The following BANK1 variants were observed in gnomAD, a reference collection of about 807,000 sequenced individuals.
BANK1 encodes the protein B-cell scaffold protein with ankyrin repeats.
Under a neutral mutation model 94.5 loss-of-function variants are expected in BANK1, and 95 were observed. That is an observed-to-expected ratio of 1.00 (90% CI 0.85 to 1.19). BANK1 has a LOEUF of 1.19. BANK1 is among the 50% of genes most tolerant of loss of function. BANK1 has a pLI of 0.00. For missense variants in BANK1, 987 were observed against 932.2 expected (o/e 1.06, Z -0.77); for synonymous variants, 334 against 308.4 (o/e 1.08, Z -0.87).
At chr4:101,961,793 C>A (rs1188521680) in intron 7 of BANK1, among the ~76,000 whole-genome samples, 2 of 152,112 alleles carry the variant, frequency 1.3e-5, no homozygotes, top group Non-Finnish European at 2.9e-5. Flanking sequence ...AAAATATTGT[C>A]ATCCTTTGCC....
intron 1 of BANK1, among the ~76,000 whole-genome samples, chr4:101,800,371 A>G (rs1272723302): frequency 1.4e-5 from 2 of 147,662 alleles, no homozygotes; most frequent in Admixed American, 1.3e-4. Context: ...TCTTCTTCCC[A>G]TTCCTCTCCT....
intron 11 of BANK1, among the ~76,000 whole-genome samples, chr4:102,051,703 CATAAA>C (rs1303172328): frequency 6.6e-6 from 1 of 152,152 alleles, no homozygotes; most frequent in African/African-American, 2.4e-5. Flanking sequence ...CTCTCTGCTA[CATAAA>C]TGTTAATTTT....
chr4:101,807,647 C>G (rs972623406), intron 1 of BANK1, among the ~76,000 whole-genome samples: 2 of 152,162 alleles, frequency 1.3e-5, no homozygotes, highest in South Asian at 2.1e-4. Context: ...ATGATAAATG[C>G]TCTACATGCT....
chr4:101,979,045 A>G (rs1358142752), intron 7 of BANK1, among the ~76,000 whole-genome samples: 1 of 152,044 alleles, frequency 6.6e-6, no homozygotes, highest in Non-Finnish European at 1.5e-5. Flanking sequence ...GTCAAAGAGT[A>G]TAGGACATGC....
chr4:102,068,331 A>C (rs183075112), intron 13 of BANK1, among the ~76,000 whole-genome samples: 27 of 152,278 alleles, frequency 1.8e-4, no homozygotes, highest in Admixed American at 1.6e-3. Flanking sequence ...AGAAATAATT[A>C]AGATCAGAAA....
intron 7 of BANK1, among the ~76,000 whole-genome samples, chr4:102,018,619 G>T (rs1005132788): frequency 1.3e-5 from 2 of 152,078 alleles, no homozygotes; most frequent in African/African-American, 4.8e-5. Flanking sequence ...AACATTCTGT[G>T]CTACAAGGAC....
At chr4:101,843,898 G>A (rs1197356086) in intron 2 of BANK1, among the ~76,000 whole-genome samples, 1 of 152,058 alleles carries the variant, frequency 6.6e-6, no homozygotes, top group Non-Finnish European at 1.5e-5. Flanking sequence ...CTCCAGCCTG[G>A]GTGACAGGGC....
rs561879039 is a variant in BANK1, at chr4:102,064,605, C to T, written c.2212+1467C>T. ...AATCAATGCTCTTAATTATCAGTGCCTTAATTATGAATCAATTAGTTCTCC... is the reference window on the plus strand; with the variant it reads ...AATCAATGCTCTTAATTATCAGTGCTTTAATTATGAATCAATTAGTTCTCC... On this transcript the variant is annotated intron_variant, in intron 13 of 16. Coordinates refer to ENST00000322953, the MANE Select transcript of BANK1 (RefSeq NM_017935.5). Among the ~76,000 whole-genome samples, 15 of 152,256 alleles carry T rather than the reference C, an allele frequency of 9.9e-5. No individual in the cohort carries two copies. The South Asian group carries it at 3.1e-3, about 32-fold the overall frequency.
intron 4 of BANK1, among the ~76,000 whole-genome samples, chr4:101,869,230 TATC>T (rs1291137175): frequency 1.3e-5 from 2 of 151,900 alleles, no homozygotes; most frequent in African/African-American, 2.4e-5. Flanking sequence ...TTTTATGACT[TATC>T]ATAACATTTA....
chr4:102,073,561 T>C, intron 15 of BANK1, 123 bp from the exon 16 acceptor site: 2 of 768,518 alleles, frequency 2.6e-6, no homozygotes, highest in Non-Finnish European at 4.1e-6. Context: ...TTGCCAGTTT[T>C]CTCTGCAAAG....
At chr4:102,010,190 G>A (rs1428183978) in intron 7 of BANK1, among the ~76,000 whole-genome samples, 10 of 151,660 alleles carry the variant, frequency 6.6e-5, no homozygotes, top group Admixed American at 6.6e-5. Flanking sequence ...GCGTGAACCC[G>A]GGAGGCAGAG....
chr4:101,997,320 G>A (rs541927184), intron 7 of BANK1, among the ~76,000 whole-genome samples: 83 of 152,222 alleles, frequency 5.5e-4, no homozygotes, highest in Admixed American at 1.1e-3. Context: ...TGTACTGCTG[G>A]ATTCAGTTTG....
intron 1 of BANK1, among the ~76,000 whole-genome samples, chr4:101,808,717 G>T (rs1403676216): frequency 1.3e-5 from 2 of 151,534 alleles, no homozygotes; most frequent in Admixed American, 1.3e-4. Flanking sequence ...GTTACCAAAA[G>T]AAGATATATA....
intron 7 of BANK1, among the ~76,000 whole-genome samples, chr4:101,997,307 T>G (rs1212822622): frequency 6.6e-6 from 1 of 152,192 alleles, no homozygotes; most frequent in Non-Finnish European, 1.5e-5. Context: ...ATAAGCTTTT[T>G]GATGTACTGC....
intron 7 of BANK1, among the ~76,000 whole-genome samples, chr4:101,956,856 C>A (rs1417058254): frequency 6.6e-6 from 1 of 152,114 alleles, no homozygotes; most frequent in East Asian, 1.9e-4. Flanking sequence ...CCTCATAGTA[C>A]AGATAGAAAA....
intron 1 of BANK1, among the ~76,000 whole-genome samples, chr4:101,807,813 G>A (rs1725609448): frequency 6.6e-6 from 1 of 152,130 alleles, no homozygotes; most frequent in African/African-American, 2.4e-5. Context: ...GGGCGTGGTG[G>A]CTCACGCCTG....
chr4:102,020,742 C>G (rs7695494), intron 7 of BANK1, among the ~76,000 whole-genome samples: 1 of 152,040 alleles, frequency 6.6e-6, no homozygotes, highest in East Asian at 1.9e-4. Flanking sequence ...AGAACAGAAA[C>G]GTAAGTCATT....
chr4:101,964,875 A>C, intron 7 of BANK1, among the ~76,000 whole-genome samples: 1 of 148,854 alleles, frequency 6.7e-6, no homozygotes, highest in African/African-American at 2.4e-5. Flanking sequence ...CTAACTTGTC[A>C]TCTAGCATTA....
chr4:102,029,650 G>A (rs1286888546), intron 9 of BANK1, among the ~76,000 whole-genome samples: 2 of 149,802 alleles, frequency 1.3e-5, no homozygotes, highest in South Asian at 4.2e-4. Flanking sequence ...AAAATAATAT[G>A]GAAAGTATTT....
Sources: gnomAD v4.1 joint callset for allele counts (sites outside exome capture counted in the v4.1 genomes callset) on GRCh38, gnomAD v4.1.1 for gene constraint, MANE v1.5 for transcripts, NCBI Gene and HGNC (gene_info 2026-07-23, HGNC 2026-07-21) for gene names.